Variants in CDH13 observed in about 807,000 individuals in gnomAD.
The protein encoded by CDH13 is cadherin 13, also known as cadherin-13.
Under a neutral mutation model 63.8 loss-of-function variants are expected in CDH13, and 24 were observed. The ratio of observed to expected loss-of-function variants is 0.38; its 90% confidence interval spans 0.27 to 0.53. The LOEUF (loss-of-function observed/expected upper bound fraction) is 0.53, where lower values mean the gene tolerates loss of function less well. Ranked by LOEUF, CDH13 falls within the 20% of genes least tolerant of loss-of-function variation. The pLI is 0.85. For missense variants in CDH13, 1,049 were observed against 903.1 expected, an observed-to-expected ratio of 1.16 and a Z score of -2.07; for synonymous variants, 503 against 355.3, an observed-to-expected ratio of 1.42 and a Z score of -4.67.
intron 8 of CDH13, among the ~76,000 whole-genome samples, chr16:83,651,501 A>G (rs1421502917): frequency 1.3e-5 from 2 of 151,488 alleles, no homozygotes; most frequent in Non-Finnish European, 2.9e-5. Flanking sequence ...AGGTTAAATG[A>G]CCTGCCAAAA....
At chr16:82,973,507 C>A (rs1470625468) in intron 2 of CDH13, among the ~76,000 whole-genome samples, 2 of 152,156 alleles carry the variant, frequency 1.3e-5, no homozygotes, top group African/African-American at 4.8e-5. Context: ...TTGTGCTGCT[C>A]TTGAAAGATA....
At chr16:83,594,402 G>A (rs544632902) in intron 7 of CDH13, among the ~76,000 whole-genome samples, 116 of 152,164 alleles carry the variant, frequency 7.6e-4, no homozygotes, top group African/African-American at 2.7e-3. Context: ...CTAAGTCATG[G>A]AGCCAGGGTG....
At chr16:83,261,941 A>G (rs1597614973) in intron 5 of CDH13, among the ~76,000 whole-genome samples, 1 of 152,280 alleles carries the variant, frequency 6.6e-6, no homozygotes, top group Middle Eastern at 3.4e-3. Context: ...TTTGCTGATC[A>G]GATTTGTTCT....
intron 6 of CDH13, among the ~76,000 whole-genome samples, chr16:83,464,154 A>G (rs765703597): frequency 2.0e-5 from 3 of 151,996 alleles, no homozygotes; most frequent in African/African-American, 7.2e-5. Flanking sequence ...GCTCACTGCA[A>G]CCTCTACCGT....
At chr16:82,695,237 A>T (rs977969345) in intron 1 of CDH13, among the ~76,000 whole-genome samples, 1 of 152,174 alleles carries the variant, frequency 6.6e-6, no homozygotes, top group Non-Finnish European at 1.5e-5. Context: ...AGGGAGATAC[A>T]GTATTTAGAG....
intron 5 of CDH13, among the ~76,000 whole-genome samples, chr16:83,305,798 G>C (rs377418506): frequency 6.6e-6 from 1 of 152,144 alleles, no homozygotes; most frequent in African/African-American, 2.4e-5. Context: ...ATACTGTAAA[G>C]CTACCTAGTA....
intron 10 of CDH13, among the ~76,000 whole-genome samples, chr16:83,702,090 T>G (rs1465618184): frequency 6.6e-6 from 1 of 152,226 alleles, no homozygotes; most frequent in African/African-American, 2.4e-5. Context: ...TATTGTAATC[T>G]GTCAAGAATC....
chr16:82,694,715 C>T (rs2150981990), intron 1 of CDH13, among the ~76,000 whole-genome samples: 2 of 152,258 alleles, frequency 1.3e-5, no homozygotes, highest in Middle Eastern at 3.4e-3. Flanking sequence ...ATGAATGAAC[C>T]ACCAGTATGA....
chr16:82,994,563 T>A lies in CDH13; in HGVS notation c.158-37447T>A, dbSNP rs146341677. Among the ~76,000 whole-genome samples the A allele has an allele frequency of 5.7e-3, 867 of 152,312 alleles. 11 individuals carry two copies. Among genetic ancestry groups the A allele is most frequent in the African/African-American group, 0.02 (828 of 41,560 alleles). On this transcript the variant is annotated intron_variant, in intron 2 of 13. Coordinates refer to ENST00000567109, the MANE Select transcript of CDH13 (RefSeq NM_001257.5). ...TATTTCTCTCTCACTCTGGAAGCCA[T>A]GTTTAGAAAGAGCTGATATACTGAA...
At chr16:83,388,654 G>C (rs1007822924) in intron 6 of CDH13, among the ~76,000 whole-genome samples, 1 of 152,096 alleles carries the variant, frequency 6.6e-6, no homozygotes, top group African/African-American at 2.4e-5. Context: ...TAGGCCCTGC[G>C]TTGGTGTACC....
chr16:82,641,553 A>G (rs560063681), intron 1 of CDH13, among the ~76,000 whole-genome samples: 6 of 152,316 alleles, frequency 3.9e-5, no homozygotes, highest in Non-Finnish European at 8.8e-5. Flanking sequence ...CTAGAATGCT[A>G]CCTTAGGGCC....
intron 3 of CDH13, among the ~76,000 whole-genome samples, chr16:83,056,561 A>G (rs147676542): frequency 1.3e-5 from 2 of 152,324 alleles, no homozygotes; most frequent in East Asian, 1.9e-4. Flanking sequence ...GGAATATCCT[A>G]TGGAAATGAA....
At chr16:82,860,885 A>G (rs879412688) in intron 2 of CDH13, among the ~76,000 whole-genome samples, 3 of 152,056 alleles carry the variant, frequency 2.0e-5, no homozygotes, top group Non-Finnish European at 4.4e-5. Context: ...AAACTTTTAT[A>G]CCTAACCAAC....
At chr16:83,315,698 C>T (rs982124262) in intron 5 of CDH13, among the ~76,000 whole-genome samples, 2 of 150,588 alleles carry the variant, frequency 1.3e-5, no homozygotes, top group African/African-American at 4.9e-5. Context: ...TTCTCGCTAT[C>T]TTGGAGTTAT....
chr16:83,099,990 C>T lies in CDH13; in HGVS notation c.367-25395C>T, dbSNP rs2034396037. Among the ~76,000 whole-genome samples, 3 of 152,124 alleles carry T rather than the reference C, an allele frequency of 2.0e-5. No individual in the cohort carries two copies. The South Asian group carries it at 6.2e-4, about 32-fold the overall frequency. Reference sequence around the variant, plus strand: ...CATGCAGCCTACTGCCCTGATCATGCAGTCACAATCTCTGTTTCTGCTAAC... The same window carrying T: ...CATGCAGCCTACTGCCCTGATCATGTAGTCACAATCTCTGTTTCTGCTAAC... On this transcript the variant is annotated intron_variant, in intron 3 of 13. Coordinates refer to ENST00000567109, the MANE Select transcript of CDH13 (RefSeq NM_001257.5).
chr16:83,374,433 T>G (rs2151404881), intron 6 of CDH13, among the ~76,000 whole-genome samples: 1 of 152,308 alleles, frequency 6.6e-6, no homozygotes, highest in East Asian at 1.9e-4. Context: ...ACCATATTTT[T>G]TCTCTGATAA....
chr16:83,457,084 G>T (rs566464877), intron 6 of CDH13, among the ~76,000 whole-genome samples: 1 of 152,270 alleles, frequency 6.6e-6, no homozygotes, highest in South Asian at 2.1e-4. Context: ...TCATCTCAGA[G>T]GCGATGGAGG....
At chr16:82,804,642 C>T (rs1394523113) in intron 1 of CDH13, among the ~76,000 whole-genome samples, 1 of 152,070 alleles carries the variant, frequency 6.6e-6, no homozygotes, top group East Asian at 1.9e-4. Context: ...GATTAGGAGA[C>T]ACTGTATGTA....
intron 4 of CDH13, among the ~76,000 whole-genome samples, chr16:83,191,217 C>T (rs958464255): frequency 7.0e-6 from 1 of 143,826 alleles, no homozygotes; most frequent in African/African-American, 2.6e-5. Flanking sequence ...CGAGATAATA[C>T]ATTTTCAGTG....
Sources: allele counts gnomAD v4.1 joint callset (sites outside exome capture counted in the v4.1 genomes callset), GRCh38; gene constraint gnomAD v4.1.1; transcripts MANE v1.5; gene names NCBI Gene and HGNC (gene_info 2026-07-23, HGNC 2026-07-21).